ZNF226: variants seen among roughly 807,000 people sequenced by gnomAD.
The protein encoded by ZNF226 is Kruppel-associated box protein.
A neutral mutation model predicts 11.4 loss-of-function variants in ZNF226; 6 were observed. That is an observed-to-expected ratio of 0.53 (90% CI 0.29 to 1.04). The LOEUF is 1.04. ZNF226 is among the 50% of genes least tolerant of loss of function. The pLI is 0.08. For missense variants in ZNF226, 1,058 were observed against 956.5 expected, an observed-to-expected ratio of 1.11 and a Z score of -1.40; for synonymous variants, 350 against 322.8, an observed-to-expected ratio of 1.08 and a Z score of -0.90.
At chr19:44,185,641 C>T in the ZNF226 span, among the ~76,000 whole-genome samples, 4 of 151,848 alleles carry the variant, frequency 2.6e-5, no homozygotes, top group African/African-American at 4.8e-5. Flanking sequence ...GTAGAAGTTT[C>T]TTATATAATC....
At chr19:44,184,973 A>G in the ZNF226 span, among the ~76,000 whole-genome samples, 4 of 152,046 alleles carry the variant, frequency 2.6e-5, no homozygotes, top group Admixed American at 6.5e-5. Flanking sequence ...TTTTGTTCCT[A>G]TAATTTTGAC....
chr19:44,188,407 G>A, the ZNF226 span, among the ~76,000 whole-genome samples: 1 of 152,116 alleles, frequency 6.6e-6, no homozygotes, highest in Admixed American at 6.5e-5. Context: ...ATGAACCGTT[G>A]CATTTGTACT....
chr19:44,172,070 C>A lies in ZNF226; in HGVS notation c.16-18C>A, dbSNP rs1332555102. On this transcript the variant is annotated intron_variant, in intron 3 of 5. Coordinates refer to ENST00000337433, the MANE Select transcript of ZNF226 (RefSeq NM_001032373.2). ...TGGACATTGGTTGTAAGATTGAGGTCATTTGTTTTTGTCGTAGGAAGCAGT... is the reference window on the plus strand; with the variant it reads ...TGGACATTGGTTGTAAGATTGAGGTAATTTGTTTTTGTCGTAGGAAGCAGT... The A allele has an allele frequency of 1.4e-5, 22 of 1,607,208 alleles. No homozygotes were observed. Among genetic ancestry groups the A allele is most frequent in the East Asian group, 2.2e-5 (1 of 44,540 alleles).
intron 2 of ZNF226, chr19:44,166,975 G>A (rs1035126447): frequency 6.6e-6 from 1 of 152,216 alleles, no homozygotes; most frequent in African/African-American, 2.4e-5. Flanking sequence ...AGATGTCACA[G>A]ATAAAACTGA....
chr19:44,170,204 G>A, intron 3 of ZNF226, 109 bp downstream of exon 3: 2 of 1,086,322 alleles, frequency 1.8e-6, no homozygotes, highest in Non-Finnish European at 2.7e-6. Flanking sequence ...ATGACCTGTT[G>A]AGTGTGCTAG....
In ZNF226 at chr19:44,172,147, G is replaced by T. The variant is rs200243287; in HGVS notation, c.75G>T (p.Leu25=). 7.4e-6 allele frequency: 12 copies of T among 1,613,334 alleles called. No homozygotes were observed. Among genetic ancestry groups the T allele is most frequent in the Non-Finnish European group, 5.9e-6 (7 of 1,179,504 alleles). The change falls in exon 4 of 6, where the codon CTG becomes CTT. Residue 25 remains leucine, a synonymous_variant. Coordinates refer to ENST00000337433, the MANE Select transcript of ZNF226 (RefSeq NM_001032373.2). ...TCACGGAGGAGGAATTGGGGCTGCTGGGCCCTGCCCAGAGGAAGCTGTACC... is the reference window on the plus strand; with the variant it reads ...TCACGGAGGAGGAATTGGGGCTGCTTGGCCCTGCCCAGAGGAAGCTGTACC... ...VAFTEEELGL[L]GPAQRKLYRD...
At chr19:44,198,492 T>A in the ZNF226 span, among the ~76,000 whole-genome samples, 1 of 152,254 alleles carries the variant, frequency 6.6e-6, no homozygotes, top group African/African-American at 2.4e-5. Context: ...ATATGTGTCA[T>A]GATTGTTTAA....
chr19:44,197,874 A>T, the ZNF226 span, among the ~76,000 whole-genome samples: 1 of 152,158 alleles, frequency 6.6e-6, no homozygotes, highest in Admixed American at 6.5e-5. Context: ...TAAGTTTTTT[A>T]ATTTTACTTT....
chr19:44,194,214 A>T, the ZNF226 span, among the ~76,000 whole-genome samples: 6 of 152,068 alleles, frequency 3.9e-5, no homozygotes, highest in African/African-American at 1.4e-4. Flanking sequence ...TTCTTTGGAG[A>T]CTGGAGTCCG....
chr19:44,168,802 T>C (rs1273333558), intron 2 of ZNF226, among the ~76,000 whole-genome samples: 1 of 152,126 alleles, frequency 6.6e-6, no homozygotes, highest in Non-Finnish European at 1.5e-5. Flanking sequence ...TTGCACTTAA[T>C]ACTTTGAGAC....
At chr19:44,177,707 TC>T (rs766109978), downstream of ZNF226, 15 of 1,535,354 alleles carry the variant, frequency 9.8e-6, no homozygotes, top group African/African-American at 2.8e-5. Flanking sequence ...TTTGAATTCT[TC>T]CAGTTATCAA....
chr19:44,187,583 CAG>C, the ZNF226 span, among the ~76,000 whole-genome samples: 18 of 151,754 alleles, frequency 1.2e-4, no homozygotes, highest in African/African-American at 4.3e-4. The surrounding 1 kb of genome is among the most constrained non-coding windows in gnomAD (Gnocchi z 4.0). Context: ...CTTTTCAAAA[CAG>C]ACTCTTAATT....
chr19:44,179,542 A>T (rs1000883181), downstream of ZNF226, among the ~76,000 whole-genome samples: 1 of 152,216 alleles, frequency 6.6e-6, no homozygotes, highest in Non-Finnish European at 1.5e-5. Flanking sequence ...GAGTGAATAT[A>T]TATTTGCAGT....
At chr19:44,168,126 A>G (rs1969621996) in intron 2 of ZNF226, among the ~76,000 whole-genome samples, 1 of 152,132 alleles carries the variant, frequency 6.6e-6, no homozygotes, top group Non-Finnish European at 1.5e-5. Flanking sequence ...CTGTGTTACA[A>G]GCTGTTTTGT....
intron 2 of ZNF226, among the ~76,000 whole-genome samples, chr19:44,169,270 A>G (rs548591885): frequency 6.6e-6 from 1 of 152,140 alleles, no homozygotes; most frequent in Admixed American, 6.5e-5. Flanking sequence ...GGTTTCCCAA[A>G]GTGCTAGTAG....
At chr19:44,168,998 CTTTTTTTTTTTTTT>C (rs34967576) in intron 2 of ZNF226, among the ~76,000 whole-genome samples, 2 of 90,818 alleles carry the variant, frequency 2.2e-5, no homozygotes, top group Admixed American at 1.3e-4. Context: ...CTCCCTTTTC[CTTTTTTTTTTTTTT>C]TTTTTTTTTT....
At position 44,176,886 on chromosome 19, in the gene ZNF226, C is replaced by G; in HGVS notation, c.1624C>G (p.Gln542Glu). ...TGAGATATGTGGGAAGGGCTTCAGTCAAAGTTCGTATCTTCAAATCCATCA... is the reference window on the plus strand; with the variant it reads ...TGAGATATGTGGGAAGGGCTTCAGTGAAAGTTCGTATCTTCAAATCCATCA... ...KCEICGKGFS[Q>E]SSYLQIHQKA... Residue 542 changes from glutamine to glutamate, a missense_variant, in exon 6 of 6, where the codon CAA becomes GAA. Physicochemically the swap from Gln to Glu is conservative, Grantham distance 29 (BLOSUM62 2). Coordinates refer to ENST00000337433, the MANE Select transcript of ZNF226 (RefSeq NM_001032373.2). The G allele has an allele frequency of 6.2e-7, 1 of 1,613,396 alleles. No homozygotes were observed. Among genetic ancestry groups the G allele is most frequent in the South Asian group, 1.1e-5 (1 of 91,034 alleles).
chr19:44,177,691 G>C (rs751093955), downstream of ZNF226: 54 of 1,549,082 alleles, frequency 3.5e-5, no homozygotes, highest in Non-Finnish European at 4.4e-5. Flanking sequence ...GTGAAGACTC[G>C]TGTCATTTGA....
At chr19:44,187,946 C>A in the ZNF226 span, among the ~76,000 whole-genome samples, 1 of 152,004 alleles carries the variant, frequency 6.6e-6, no homozygotes. This position sits in a 1 kb window ranked among gnomAD's most constrained non-coding sequence, Gnocchi z 4.0. Context: ...TGTTTTCCTT[C>A]TACTATTAAT....
Sources: gnomAD v4.1 joint callset for allele counts (sites outside exome capture counted in the v4.1 genomes callset) on GRCh38, gnomAD v4.1.1 for gene constraint, Gnocchi (gnomAD v3.1) non-coding constraint, MANE v1.5 for transcripts, NCBI Gene and HGNC (gene_info 2026-07-23, HGNC 2026-07-21) for gene names.